Variants in PPIP5K2 observed in about 807,000 individuals in gnomAD.
PPIP5K2 encodes inositol hexakisphosphate and diphosphoinositol-pentakisphosphate kinase 2.
Under a neutral mutation model 154.6 loss-of-function variants are expected in PPIP5K2, and 105 were observed. That is an observed-to-expected ratio of 0.68 (90% CI 0.58 to 0.80). The LOEUF is 0.80. Among genes scored for constraint, PPIP5K2 ranks in the 30% least tolerant of loss-of-function variants. The pLI, the probability that PPIP5K2 is intolerant of heterozygous loss-of-function variation, is 0.00. For synonymous variants in PPIP5K2, 480 were observed against 490.3 expected (o/e 0.98, Z 0.28); for missense variants, 992 against 1,504.6 (o/e 0.66, Z 5.64).
At chr5:103,178,709 T>C (rs1350953175) in intron 23 of PPIP5K2, among the ~76,000 whole-genome samples, 5 of 151,698 alleles carry the variant, frequency 3.3e-5, no homozygotes, top group Non-Finnish European at 5.9e-5. Flanking sequence ...TCTTCTAGTC[T>C]AAGGACTTGG....
rs1803382112 is a variant in PPIP5K2, at chr5:103,204,460, T to C, written c.*2826T>C. 6.6e-6 allele frequency: 1 copy of C among 152,178 alleles called. No homozygotes were observed. The highest frequency in any genetic ancestry group is 2.1e-4 in the South Asian group (1 of 4,826). The allele number at this position is 152,178 out of a possible 1,614,324, so 9.4% of individuals were successfully genotyped here. A position where few individuals can be genotyped will look rare whatever the true frequency, so the allele number is the denominator to read the frequency against. On this transcript the variant is annotated 3_prime_UTR_variant, in exon 31 of 31. Transcript: ENST00000358359. ...TCTTGCCAGTGGGAACATTTTTCTT[T>C]TTTAGACAAGGTCTCATTCTGTCAC...
At chr5:103,148,533 A>G (rs1351889747) in intron 7 of PPIP5K2, among the ~76,000 whole-genome samples, 1 of 152,174 alleles carries the variant, frequency 6.6e-6, no homozygotes, top group African/African-American at 2.4e-5. Context: ...TTTCTAAAGT[A>G]TAAATCTGAG....
At chr5:103,137,163 ATT>A (rs71620680) in intron 4 of PPIP5K2, among the ~76,000 whole-genome samples, 20 of 139,834 alleles carry the variant, frequency 1.4e-4, no homozygotes, top group Non-Finnish European at 1.4e-4. Context: ...TTATAACTAG[ATT>A]TTTTTTTTTT....
At chr5:103,157,904 A>T (rs2149604422) in intron 14 of PPIP5K2, among the ~76,000 whole-genome samples, 1 of 152,310 alleles carries the variant, frequency 6.6e-6, no homozygotes, top group East Asian at 1.9e-4. Flanking sequence ...CAAGGGAGAA[A>T]CATTACATCC....
At position 103,204,592 on chromosome 5, in the gene PPIP5K2, G is replaced by C. The variant is rs971989999; in HGVS notation, c.*2958G>C. The C allele has an allele frequency of 6.6e-6, 1 of 152,198 alleles. No individual in the cohort carries two copies. The highest frequency in any genetic ancestry group is 1.5e-5 in the Non-Finnish European group (1 of 68,040). The allele number at this position is 152,198 out of a possible 1,614,324, so 9.4% of individuals were successfully genotyped here. A position where few individuals can be genotyped will look rare whatever the true frequency, so the allele number is the denominator to read the frequency against. ...CCTAAATAGCTGGTACTATAGGTGC[G>C]TGCCACCACACCCAGCTCATGGGAA... On this transcript the variant is annotated 3_prime_UTR_variant, in exon 31 of 31. Transcript: ENST00000358359.
chr5:103,137,715 C>A (rs891854724), intron 4 of PPIP5K2, among the ~76,000 whole-genome samples: 1 of 151,894 alleles, frequency 6.6e-6, no homozygotes, highest in Non-Finnish European at 1.5e-5. Flanking sequence ...AAATATGAGA[C>A]CTTATGGTTT....
chr5:103,132,152 A>G (rs557679269), intron 2 of PPIP5K2, among the ~76,000 whole-genome samples: 209 of 152,298 alleles, frequency 1.4e-3, no homozygotes, highest in African/African-American at 4.8e-3. Context: ...AGCATTTATA[A>G]TCTATTTGAT....
chr5:103,186,735 C>A (rs577808584), intron 27 of PPIP5K2, among the ~76,000 whole-genome samples: 2 of 152,168 alleles, frequency 1.3e-5, no homozygotes, highest in African/African-American at 2.4e-5. Context: ...AAAGAGCAAG[C>A]GTTTCTTTGA....
At position 103,157,901 on chromosome 5, in the gene PPIP5K2, G is replaced by A. The variant is rs538694897; in HGVS notation, c.1490-287G>A. Reference sequence around the variant, plus strand: ...AATTACTATGAGAGCAGGCAAGGGAGAAACATTACATCCCTGAAGAAAATT... The same window carrying A: ...AATTACTATGAGAGCAGGCAAGGGAAAAACATTACATCCCTGAAGAAAATT... On this transcript the variant is annotated intron_variant, in intron 14 of 30. Coordinates refer to ENST00000358359, the MANE Select transcript of PPIP5K2 (RefSeq NM_001276277.3). Among the ~76,000 whole-genome samples the A allele has an allele frequency of 2.0e-5, 3 of 152,250 alleles. No individual in the cohort carries two copies. The East Asian group carries it at 5.8e-4, about 29-fold the overall frequency.
At chr5:103,162,918 T>A (rs748530017) in intron 17 of PPIP5K2, among the ~76,000 whole-genome samples, 6 of 152,116 alleles carry the variant, frequency 3.9e-5, no homozygotes, top group Non-Finnish European at 7.4e-5. Context: ...TATATATACA[T>A]CTGGGTGTCC....
intron 23 of PPIP5K2, among the ~76,000 whole-genome samples, chr5:103,179,280 T>C (rs1799157236): frequency 6.6e-6 from 1 of 152,092 alleles, no homozygotes; most frequent in Non-Finnish European, 1.5e-5. Flanking sequence ...CAATATTATG[T>C]TTATGAGGCT....
chr5:103,145,044 G>A (rs1274616305), intron 5 of PPIP5K2, among the ~76,000 whole-genome samples: 1 of 151,648 alleles, frequency 6.6e-6, no homozygotes, highest in Non-Finnish European at 1.5e-5. Flanking sequence ...TATATAAGAA[G>A]CTCAAACAGC....
At chr5:103,149,487 T>G (rs1482660824) in intron 8 of PPIP5K2, among the ~76,000 whole-genome samples, 174 bp downstream of exon 8, 1 of 152,178 alleles carries the variant, frequency 6.6e-6, no homozygotes, top group East Asian at 1.9e-4. Context: ...TATTCTTTTG[T>G]ATTATATAAA....
rs1271095267 is a variant in PPIP5K2 at position 103,211,103 on chromosome 5, T to G, written c.*9469T>G. 1 of 152,076 alleles carries G rather than the reference T, an allele frequency of 6.6e-6. No homozygotes were observed. The highest frequency in any genetic ancestry group is 1.5e-5 in the Non-Finnish European group (1 of 67,974). The allele number at this position is 152,076 out of a possible 1,614,324, so 9.4% of individuals were successfully genotyped here. A position where few individuals can be genotyped will look rare whatever the true frequency, so the allele number is the denominator to read the frequency against. ...GTCTGAGTGGTTGTTTAAACTGACA[T>G]CTGTAAAACTAATCTGTAAAGTGAG... On this transcript the variant is annotated 3_prime_UTR_variant, in exon 31 of 31. Coordinates refer to ENST00000358359, the MANE Select transcript of PPIP5K2 (RefSeq NM_001276277.3).
intron 7 of PPIP5K2, among the ~76,000 whole-genome samples, chr5:103,148,641 CTT>C (rs1794112880): frequency 6.6e-6 from 1 of 152,120 alleles, no homozygotes; most frequent in African/African-American, 2.4e-5. Flanking sequence ...TCTGTCCTCT[CTT>C]TGTCTTATAA....
intron 30 of PPIP5K2, among the ~76,000 whole-genome samples, chr5:103,196,390 T>C (rs574365063): frequency 2.0e-5 from 3 of 152,308 alleles, no homozygotes; most frequent in Middle Eastern, 6.8e-3. Flanking sequence ...ACATTCCAAC[T>C]AATAAGTATG....
At position 103,195,039 on chromosome 5, in the gene PPIP5K2, G is replaced by A. The variant is rs1462922330; in HGVS notation, c.3619+14G>A. On this transcript the variant is annotated intron_variant, in intron 30 of 30. Coordinates refer to ENST00000358359, the MANE Select transcript of PPIP5K2 (RefSeq NM_001276277.3). ...GCAGCAAACCAGGTAAGGGGTGTGT[G>A]TGTTGAGTTTGTGGATTTGCACAGA... The A allele has an allele frequency of 3.8e-6, 6 of 1,597,428 alleles. No individual in the cohort carries two copies. Among genetic ancestry groups the A allele is most frequent in the African/African-American group, 1.4e-5 (1 of 73,900 alleles).
At chr5:103,174,579 C>A (rs1798426647) in intron 21 of PPIP5K2, among the ~76,000 whole-genome samples, 2 of 152,096 alleles carry the variant, frequency 1.3e-5, no homozygotes, top group Non-Finnish European at 2.9e-5. Flanking sequence ...ACACCTACAT[C>A]TGGCCTCTTC....
intron 19 of PPIP5K2, among the ~76,000 whole-genome samples, chr5:103,168,756 A>C (rs1797515690): frequency 6.6e-6 from 1 of 151,850 alleles, no homozygotes; most frequent in Non-Finnish European, 1.5e-5. Context: ...TTATAATGAC[A>C]TGTATCATCA....
Sources: gnomAD v4.1 joint callset for allele counts (sites outside exome capture counted in the v4.1 genomes callset) on GRCh38, gnomAD v4.1.1 for gene constraint, MANE v1.5 for transcripts, NCBI Gene and HGNC (gene_info 2026-07-23, HGNC 2026-07-21) for gene names.